KYNU: variants seen among roughly 807,000 people sequenced by gnomAD.
The protein encoded by KYNU is kynureninase, also known as L-kynurenine hydrolase.
A neutral mutation model predicts 59.2 loss-of-function variants in KYNU; 54 were observed. The observed-to-expected ratio is 0.91, with a 90% CI of 0.73 to 1.14. The LOEUF is 1.14. Ranked by LOEUF, KYNU falls within the 50% of genes most tolerant of loss-of-function variation. KYNU has a pLI of 0.00. For synonymous variants in KYNU, 177 were observed against 192.0 expected (o/e 0.92, Z 0.65); for missense variants, 567 against 554.4 (o/e 1.02, Z -0.23).
At chr2:142,993,875 T>G (rs898914498) in intron 10 of KYNU, among the ~76,000 whole-genome samples, 1 of 152,050 alleles carries the variant, frequency 6.6e-6, no homozygotes, top group African/African-American at 2.4e-5. Context: ...CAGATAATGA[T>G]GAAATAGTCA....
intron 4 of KYNU, among the ~76,000 whole-genome samples, chr2:142,950,942 G>C (rs1683970375): frequency 6.6e-6 from 1 of 152,138 alleles, no homozygotes; most frequent in South Asian, 2.1e-4. Flanking sequence ...TCAATGTTGA[G>C]TCTCAGGGAA....
chr2:142,964,999 C>G (rs1684482499), intron 8 of KYNU, among the ~76,000 whole-genome samples: 1 of 152,186 alleles, frequency 6.6e-6, no homozygotes, highest in Non-Finnish European at 1.5e-5. Context: ...CTTGTTTCTA[C>G]TAGGAACTTC....
At chr2:142,901,101 T>G (rs1201259210) in intron 2 of KYNU, among the ~76,000 whole-genome samples, 5 of 150,212 alleles carry the variant, frequency 3.3e-5, no homozygotes, top group African/African-American at 1.2e-4. Flanking sequence ...TGGCCTGCAG[T>G]GCAGGGGGTT....
At chr2:142,936,011 A>T (rs1435471243) in intron 4 of KYNU, among the ~76,000 whole-genome samples, 1 of 152,178 alleles carries the variant, frequency 6.6e-6, no homozygotes, top group Non-Finnish European at 1.5e-5. Context: ...GACTGAGAAG[A>T]CAACGAACGG....
chr2:143,021,257 G>C (rs1312876606), intron 10 of KYNU, among the ~76,000 whole-genome samples: 2 of 151,870 alleles, frequency 1.3e-5, no homozygotes, highest in Non-Finnish European at 2.9e-5. Context: ...CTGATTCATT[G>C]GTCTATAGAG....
chr2:142,989,290 G>T, intron 10 of KYNU: 1 of 738,822 alleles, frequency 1.4e-6, no homozygotes, highest in East Asian at 9.8e-5. Context: ...CGATTAGCTG[G>T]TTTAACTATG....
At chr2:142,966,721 T>G (rs1353424740) in intron 8 of KYNU, among the ~76,000 whole-genome samples, 3 of 152,084 alleles carry the variant, frequency 2.0e-5, no homozygotes, top group Non-Finnish European at 4.4e-5. Flanking sequence ...TTTAACAAAT[T>G]AGGAAAATAA....
chr2:142,895,475 T>A (rs1002834611), intron 2 of KYNU, among the ~76,000 whole-genome samples: 2 of 152,230 alleles, frequency 1.3e-5, no homozygotes, highest in Non-Finnish European at 2.9e-5. Context: ...ATTTTATTGC[T>A]GAATAGTATT....
At chr2:142,981,146 T>C (rs1223219114) in intron 8 of KYNU, among the ~76,000 whole-genome samples, 1 of 152,156 alleles carries the variant, frequency 6.6e-6, no homozygotes, top group Non-Finnish European at 1.5e-5. Context: ...ACTTGATTTT[T>C]CAACGTGGTA....
At chr2:143,041,052 T>A (rs560551763) in intron 13 of KYNU, among the ~76,000 whole-genome samples, 1 of 152,070 alleles carries the variant, frequency 6.6e-6, no homozygotes, top group Non-Finnish European at 1.5e-5. Flanking sequence ...AAAAAGAAAG[T>A]CTTATTTAGT....
intron 4 of KYNU, among the ~76,000 whole-genome samples, chr2:142,931,329 A>G (rs1054921000): frequency 6.6e-6 from 1 of 152,170 alleles, no homozygotes; most frequent in Non-Finnish European, 1.5e-5. Context: ...TGGTGTGGGC[A>G]CCTTGGAAAA....
chr2:142,893,064 G>A (rs1341329616), intron 2 of KYNU, among the ~76,000 whole-genome samples: 1 of 152,198 alleles, frequency 6.6e-6, no homozygotes, highest in East Asian at 1.9e-4. Flanking sequence ...GTTCTTGGTG[G>A]CCACATGCAA....
In KYNU at chr2:143,042,932, A is replaced by G. The variant is rs1053440617; in HGVS notation, c.*760A>G. The stretch of plus-strand genomic sequence containing the variant: ...CTCAAATAAACAGTTACCATCTTCT[A>G]TTTGATAAAATAGTCTAAATAGCAA... On this transcript the variant is annotated 3_prime_UTR_variant, in exon 14 of 14. Coordinates refer to ENST00000264170, the MANE Select transcript of KYNU (RefSeq NM_003937.3). 1 of 145,504 alleles carries G rather than the reference A, an allele frequency of 6.9e-6. No homozygotes were observed. Among genetic ancestry groups the G allele is most frequent in the African/African-American group, 2.5e-5 (1 of 39,910 alleles). 9.0% of individuals were successfully genotyped at this position (145,504 alleles called of 1,614,324 possible). A position where few individuals can be genotyped will look rare whatever the true frequency, so the allele number is the denominator to read the frequency against.
At position 143,050,757 on chromosome 2, in the gene KYNU, A is replaced by G. The variant is rs1272540584; in HGVS notation, c.*8585A>G. ...TTTTATGCTCAATAACTTTCTACTT[A>G]TTCTTGAGTTCAAAACTATATGGGT... On this transcript the variant is annotated 3_prime_UTR_variant, in exon 14 of 14. Coordinates refer to ENST00000264170, the MANE Select transcript of KYNU (RefSeq NM_003937.3). The G allele has an allele frequency of 6.6e-6, 1 of 152,224 alleles. No individual in the cohort carries two copies. The highest frequency in any genetic ancestry group is 1.9e-4 in the East Asian group (1 of 5,204). 9.4% of individuals were successfully genotyped at this position (152,224 alleles called of 1,614,324 possible).
chr2:142,949,008 G>T (rs1257066960), intron 4 of KYNU, among the ~76,000 whole-genome samples: 2 of 152,222 alleles, frequency 1.3e-5, no homozygotes, highest in African/African-American at 2.4e-5. Context: ...GGGAGAAATT[G>T]GCCAAAACAA....
chr2:143,005,717 T>C (rs1685857898), intron 10 of KYNU, among the ~76,000 whole-genome samples: 1 of 152,026 alleles, frequency 6.6e-6, no homozygotes, highest in Admixed American at 6.5e-5. Flanking sequence ...TTTAGGTTGG[T>C]GCAAAAGTAA....
chr2:142,949,568 T>C (rs1683916494), intron 4 of KYNU, among the ~76,000 whole-genome samples: 1 of 152,240 alleles, frequency 6.6e-6, no homozygotes, highest in Non-Finnish European at 1.5e-5. Context: ...CAGACTGAGC[T>C]GTACCTTGGC....
In KYNU at chr2:142,964,344, G is replaced by A. The variant is rs577038630; in HGVS notation, c.729+3574G>A. ...AGAATTCCTGAACCATAAGGTATTT[G>A]TATATTTATTTCTAATCAATAATGC... On this transcript the variant is annotated intron_variant, in intron 8 of 13. Transcript: ENST00000264170. Among the ~76,000 whole-genome samples the A allele has an allele frequency of 3.9e-5, 6 of 152,134 alleles. No homozygotes were observed. In the East Asian group the frequency reaches 1.2e-3, roughly 29 times the overall value.
chr2:142,928,790 T>C (rs1270303696), intron 4 of KYNU, among the ~76,000 whole-genome samples: 2 of 151,922 alleles, frequency 1.3e-5, no homozygotes, highest in African/African-American at 4.8e-5. Context: ...GGTGGATTGC[T>C]TGAGCTCAGG....
Sources: allele counts gnomAD v4.1 joint callset (sites outside exome capture counted in the v4.1 genomes callset), GRCh38; gene constraint gnomAD v4.1.1; transcripts MANE v1.5; gene names NCBI Gene and HGNC (gene_info 2026-07-23, HGNC 2026-07-21).